FYB1: variants seen among roughly 807,000 people sequenced by gnomAD.
The protein encoded by FYB1 is FYN binding protein 1.
In FYB1, 41 loss-of-function variants were observed where a neutral mutation model predicts 94.1. That is an observed-to-expected ratio of 0.44 (90% CI 0.34 to 0.57). FYB1 has a LOEUF of 0.57. FYB1 is among the 20% of genes least tolerant of loss of function. The pLI is 0.02. For synonymous variants in FYB1, 367 were observed against 353.2 expected, an observed-to-expected ratio of 1.04 and a Z score of -0.44; for missense variants, 1,050 against 976.8, an observed-to-expected ratio of 1.07 and a Z score of -1.00.
intron 3 of FYB1, among the ~76,000 whole-genome samples, chr5:39,141,816 G>A (rs1438004585): frequency 6.6e-6 from 1 of 151,464 alleles, no homozygotes; most frequent in African/African-American, 2.4e-5. Flanking sequence ...AGGTTGCAGT[G>A]AGCTAAGATC....
chr5:39,244,881 G>T (rs1209644726), intron 1 of FYB1, among the ~76,000 whole-genome samples: 1 of 152,146 alleles, frequency 6.6e-6, no homozygotes, highest in African/African-American at 2.4e-5. Context: ...GGGTGTATGT[G>T]TCGAGGTATT....
rs1467791116 is a variant in FYB1, at chr5:39,202,542, T to C, written c.419A>G (p.His140Arg). ...PWPPGNKPSLHSVNQDHDLKP... is the reference protein window; with the variant it reads ...PWPPGNKPSLRSVNQDHDLKP... The stretch of plus-strand genomic sequence containing the variant: ...TAAGTCATGGTCTTGGTTTACACTG[T>C]GAAGAGATGGCTTGTTTCCAGGAGG... The change falls in exon 2 of 19, where the codon CAC becomes CGC. Residue 140 changes from histidine (H) to arginine (R), a missense_variant. Physicochemically the swap from His to Arg is conservative, Grantham distance 29 (BLOSUM62 0). Transcript: ENST00000512982. 8.1e-6 allele frequency: 13 copies of C among 1,613,902 alleles called. No homozygotes were observed. Among genetic ancestry groups the C allele is most frequent in the African/African-American group, 1.3e-5 (1 of 74,920 alleles).
intron 1 of FYB1, among the ~76,000 whole-genome samples, chr5:39,229,802 T>C (rs976109742): frequency 1.3e-5 from 2 of 152,186 alleles, no homozygotes; most frequent in African/African-American, 4.8e-5. Context: ...GTCTGTATAA[T>C]AGTCCAGATC....
At chr5:39,236,242 T>C (rs1750960073) in intron 1 of FYB1, among the ~76,000 whole-genome samples, 1 of 152,060 alleles carries the variant, frequency 6.6e-6, no homozygotes. Context: ...CACTAGAAAA[T>C]TTATCGGAGT....
At chr5:39,161,317 G>T (rs1744229774) in intron 2 of FYB1, among the ~76,000 whole-genome samples, 1 of 151,870 alleles carries the variant, frequency 6.6e-6, no homozygotes, top group Non-Finnish European at 1.5e-5. Context: ...ATTTAAAAAA[G>T]CAAACTGTAA....
chr5:39,195,682 A>G (rs1286740503), intron 2 of FYB1, among the ~76,000 whole-genome samples: 2 of 152,218 alleles, frequency 1.3e-5, no homozygotes, highest in Admixed American at 1.3e-4. Flanking sequence ...AGCAGTATTA[A>G]GAACAAGACT....
At chr5:39,265,352 C>T (rs540807299) in intron 1 of FYB1, among the ~76,000 whole-genome samples, 94 of 152,134 alleles carry the variant, frequency 6.2e-4, no homozygotes, top group African/African-American at 2.2e-3. Context: ...GTTGTGATGG[C>T]GGGCGCTTAC....
intron 3 of FYB1, among the ~76,000 whole-genome samples, chr5:39,145,485 C>G: frequency 6.6e-6 from 1 of 151,848 alleles, no homozygotes; most frequent in East Asian, 1.9e-4. Context: ...AATCAAAGAT[C>G]CCCTGAAAAT....
intron 1 of FYB1, among the ~76,000 whole-genome samples, chr5:39,245,946 A>G (rs1751459508): frequency 6.6e-6 from 1 of 152,150 alleles, no homozygotes; most frequent in African/African-American, 2.4e-5. Context: ...ATTGTCCATT[A>G]TAGATCTTTC....
chr5:39,139,633 T>C (rs1263154570), intron 4 of FYB1: 1 of 154,014 alleles, frequency 6.5e-6, no homozygotes, highest in African/African-American at 2.4e-5. Context: ...TTTGTTTTTA[T>C]GTATCAAACA....
At chr5:39,250,486 T>C (rs1751670047) in intron 1 of FYB1, among the ~76,000 whole-genome samples, 1 of 152,206 alleles carries the variant, frequency 6.6e-6, no homozygotes, top group Non-Finnish European at 1.5e-5. Context: ...TTATCCAGAA[T>C]AGATTTTGTC....
At chr5:39,193,614 C>T (rs754008032) in intron 2 of FYB1, among the ~76,000 whole-genome samples, 1 of 152,212 alleles carries the variant, frequency 6.6e-6, no homozygotes, top group Non-Finnish European at 1.5e-5. Flanking sequence ...TGAATTCTCT[C>T]TAATACACTC....
intron 4 of FYB1, among the ~76,000 whole-genome samples, chr5:39,140,768 C>T (rs1742101165): frequency 6.6e-6 from 1 of 152,164 alleles, no homozygotes; most frequent in African/African-American, 2.4e-5. Context: ...GCCCCAAAAC[C>T]ACATTATGCT....
Position 39,126,109 on chromosome 5 carries a change from C to T in FYB1, c.1934G>A (p.Ser645Asn), listed in dbSNP as rs779648525. 5.6e-6 allele frequency: 9 copies of T among 1,613,532 alleles called. No individual in the cohort carries two copies. Among genetic ancestry groups the T allele is most frequent in the Non-Finnish European group, 7.6e-6 (9 of 1,179,616 alleles). Residue 645 changes from serine to asparagine, a missense_variant, in exon 12 of 19, where the codon AGT (serine) becomes AAT (asparagine). Ser to Asn is a conservative substitution (Grantham distance 46). Coordinates refer to ENST00000512982, the MANE Select transcript of FYB1 (RefSeq NM_001465.6). The part of the protein sequence containing the change: ...DGSTLQVQEK[S>N]NTWSWGILKM... ...CAAAATCCCCCAGGACCACGTATTA[C>T]TCTTCTCTTGAACCTGTAGTGTGGA...
At chr5:39,198,684 G>A (rs1234247738) in intron 2 of FYB1, among the ~76,000 whole-genome samples, 1 of 152,076 alleles carries the variant, frequency 6.6e-6, no homozygotes, top group Non-Finnish European at 1.5e-5. Flanking sequence ...TTGCCCAATT[G>A]TAGGCTAATG....
Position 39,217,758 on chromosome 5 carries a change from C to CA in FYB1, c.-28+1684dup, listed in dbSNP as rs2150545645. ...CCAAACCCGCCAGCGAGCCACGGTT[C>CA]ACTCTCTTCACTTTCTTGTTTTTAG... On this transcript the variant is annotated intron_variant, in intron 1 of 18. Coordinates refer to ENST00000512982, the MANE Select transcript of FYB1 (RefSeq NM_001465.6). 1.3e-5 allele frequency among the ~76,000 whole-genome samples: 2 copies of CA among 152,316 alleles called. 1 individual carries two copies. The highest frequency in any genetic ancestry group is 1.3e-4 in the Admixed American group (2 of 15,296).
At chr5:39,196,766 A>G (rs1747871887) in intron 2 of FYB1, among the ~76,000 whole-genome samples, 1 of 152,194 alleles carries the variant, frequency 6.6e-6, no homozygotes, top group Admixed American at 6.5e-5. Flanking sequence ...AGCACGAGGA[A>G]GTGGAATGCG....
intron 16 of FYB1, among the ~76,000 whole-genome samples, chr5:39,114,915 T>C (rs1196192134): frequency 6.6e-6 from 1 of 152,032 alleles, no homozygotes; most frequent in East Asian, 1.9e-4. Context: ...GGTAAAACAA[T>C]AATGACAATG....
chr5:39,180,565 T>G (rs1579580999), intron 2 of FYB1, among the ~76,000 whole-genome samples: 1 of 152,206 alleles, frequency 6.6e-6, no homozygotes. Context: ...ACCCCTACTT[T>G]TGTTCTCTGG....
Sources: allele counts gnomAD v4.1 joint callset (sites outside exome capture counted in the v4.1 genomes callset), GRCh38; gene constraint gnomAD v4.1.1; transcripts MANE v1.5; gene names NCBI Gene and HGNC (gene_info 2026-07-23, HGNC 2026-07-21).